The following PSD2 variants were observed in gnomAD, a reference collection of about 807,000 sequenced individuals.
PSD2 encodes pleckstrin and Sec7 domain containing 2.
Under a neutral mutation model 69.8 loss-of-function variants are expected in PSD2, and 38 were observed. The observed-to-expected ratio is 0.54, with a 90% CI of 0.42 to 0.71. The LOEUF is 0.71. PSD2 is among the 30% of genes least tolerant of loss of function. The pLI is 0.00. For synonymous variants in PSD2, 412 were observed against 423.0 expected (o/e 0.97, Z 0.32); for missense variants, 943 against 1,014.5 (o/e 0.93, Z 0.96).
intron 1 of PSD2, among the ~76,000 whole-genome samples, chr5:139,802,027 C>T (rs950500052): frequency 3.3e-5 from 5 of 152,144 alleles, no homozygotes; most frequent in African/African-American, 1.2e-4. Flanking sequence ...TACTTCGTAC[C>T]ACATGCTGTT....
intron 2 of PSD2, among the ~76,000 whole-genome samples, chr5:139,810,024 T>C (rs1288520180): frequency 6.6e-6 from 1 of 151,612 alleles, no homozygotes. Context: ...CTGAAAGTTG[T>C]GCCATCGTGA....
the PSD2 span, among the ~76,000 whole-genome samples, chr5:139,753,330 C>T: frequency 9.9e-5 from 15 of 152,130 alleles, no homozygotes; most frequent in Non-Finnish European, 1.5e-5. Context: ...GAGGAGAAGG[C>T]CACCAATAAC....
chr5:139,786,695 C>T, the PSD2 span, among the ~76,000 whole-genome samples: 5 of 152,116 alleles, frequency 3.3e-5, no homozygotes, highest in Non-Finnish European at 5.9e-5. Context: ...CCATGTTGCC[C>T]AGGCTGGGCC....
chr5:139,842,363 T>G lies in PSD2; in HGVS notation c.2205T>G (p.Thr735=). The change falls in exon 15 of 15, where the codon ACT becomes ACG. Residue 735 remains threonine, a synonymous_variant. Transcript: ENST00000274710. ...DLERIEARLA[T]LEGDDPSLRK... is the part of the protein sequence containing the mutation. Reference sequence around the variant, plus strand: ...AGCGGATTGAGGCCCGGCTGGCCACTCTGGAAGGGGATGACCCTTCTCTCC... The same window carrying G: ...AGCGGATTGAGGCCCGGCTGGCCACGCTGGAAGGGGATGACCCTTCTCTCC... The G allele has an allele frequency of 1.9e-6, 3 of 1,614,226 alleles. No homozygotes were observed. The highest frequency in any genetic ancestry group is 2.5e-6 in the Non-Finnish European group (3 of 1,180,042).
chr5:139,832,089 C>G (rs1760610056), intron 7 of PSD2, among the ~76,000 whole-genome samples: 1 of 152,186 alleles, frequency 6.6e-6, no homozygotes, highest in African/African-American at 2.4e-5. Flanking sequence ...TTTTGTAAAG[C>G]CTCCAATGCT....
chr5:139,820,943 T>TTG (rs1386140652), intron 5 of PSD2, among the ~76,000 whole-genome samples: 1 of 151,328 alleles, frequency 6.6e-6, no homozygotes, highest in Admixed American at 6.6e-5. Context: ...TTGTTTTTTT[T>TTG]TTTTCTTGAG....
rs552204743 is a variant in PSD2 at position 139,843,055 on chromosome 5, A to C, written c.*581A>C. 1 of 153,790 alleles carries C rather than the reference A, an allele frequency of 6.5e-6. No individual in the cohort carries two copies. The highest frequency in any genetic ancestry group is 1.9e-4 in the East Asian group (1 of 5,194). The allele number at this position is 153,790 out of a possible 1,614,324, so 9.5% of individuals were successfully genotyped here. ...GTAAAGCTGACTCCATCACATGTGC[A>C]TCCACTTCTTTTCATCCATTGAGAT... On this transcript the variant is annotated 3_prime_UTR_variant, in exon 15 of 15. Coordinates refer to ENST00000274710, the MANE Select transcript of PSD2 (RefSeq NM_032289.4).
rs772552842 is a variant in PSD2 at position 139,837,167 on chromosome 5, G to C, written c.1595-1G>C. 1 of 1,614,096 alleles carries C rather than the reference G, an allele frequency of 6.2e-7. No homozygotes were observed. The highest frequency in any genetic ancestry group is 8.5e-7 in the Non-Finnish European group (1 of 1,179,960). The stretch of plus-strand genomic sequence containing the variant: ...CACACTACCAGTGCCCTCCTCCCCA[G>C]CGCCCCGTGGGAGGCGTGGCTGGAA... On this transcript the variant is annotated splice_acceptor_variant, in intron 10 of 14. Transcript: ENST00000274710. LOFTEE classifies it high-confidence loss of function. This position sits in a 1 kb window ranked among gnomAD's most constrained non-coding sequence, Gnocchi z 5.0.
chr5:139,766,915 TCCTTCCTTCCTTCCCTTCTTTCTTTC>T, the PSD2 span, among the ~76,000 whole-genome samples: 15 of 25,134 alleles, frequency 6.0e-4, no homozygotes, highest in African/African-American at 1.5e-3. Context: ...CTCCCTTCCT[TCCTTCCTTCCTTCCCTTCTTTCTTTC>T]TTTCTTTCTT....
intron 7 of PSD2, among the ~76,000 whole-genome samples, chr5:139,829,708 G>A (rs953966732): frequency 6.6e-6 from 1 of 152,178 alleles, no homozygotes; most frequent in Admixed American, 6.5e-5. Flanking sequence ...GTATGGATAT[G>A]CCACATTTTA....
intron 4 of PSD2, among the ~76,000 whole-genome samples, chr5:139,817,078 T>C (rs1171706806): frequency 6.6e-6 from 1 of 152,228 alleles, no homozygotes; most frequent in East Asian, 1.9e-4. Context: ...CATCCCTGCT[T>C]TAACCTTTCT....
the PSD2 span, among the ~76,000 whole-genome samples, chr5:139,769,116 C>G: frequency 6.6e-6 from 1 of 152,020 alleles, no homozygotes; most frequent in Non-Finnish European, 1.5e-5. Context: ...TTGGGGAAGA[C>G]TTCCTGAAGG....
At chr5:139,805,549 C>T (rs1441787681) in intron 1 of PSD2, among the ~76,000 whole-genome samples, 4 of 152,160 alleles carry the variant, frequency 2.6e-5, no homozygotes, top group South Asian at 4.1e-4. Context: ...TCAGTAAACA[C>T]ATAGAAAAGG....
chr5:139,745,187 C>T, the PSD2 span: 1 of 152,294 alleles, frequency 6.6e-6, no homozygotes, highest in Non-Finnish European at 1.5e-5. Flanking sequence ...GCCTCTTGTT[C>T]ATATACACTG....
intron 6 of PSD2, 92 bp downstream of exon 6, chr5:139,822,097 C>G (rs968809641): frequency 2.7e-6 from 2 of 734,754 alleles, no homozygotes; most frequent in Admixed American, 4.6e-5. Flanking sequence ...CACTTCGGTC[C>G]TGTTGCCAGG....
intron 1 of PSD2, among the ~76,000 whole-genome samples, chr5:139,798,162 C>T (rs988151048): frequency 1.7e-4 from 26 of 152,180 alleles, no homozygotes; most frequent in Admixed American, 1.6e-3. Flanking sequence ...CTTAGGCTGT[C>T]GCCCCTTGAG....
chr5:139,743,502 C>A, the PSD2 span, among the ~76,000 whole-genome samples: 1 of 152,076 alleles, frequency 6.6e-6, no homozygotes, highest in African/African-American at 2.4e-5. Context: ...CTGAGTTTGC[C>A]TTTGTATCTG....
At chr5:139,798,832 G>T (rs1224249916) in intron 1 of PSD2, among the ~76,000 whole-genome samples, 1 of 152,054 alleles carries the variant, frequency 6.6e-6, no homozygotes, top group African/African-American at 2.4e-5. Context: ...CTAACATGTA[G>T]TCCATATTTA....
chr5:139,829,994 C>G (rs1470072799), intron 7 of PSD2, among the ~76,000 whole-genome samples: 1 of 148,730 alleles, frequency 6.7e-6, no homozygotes, highest in Non-Finnish European at 1.5e-5. Context: ...CCTCACCAAC[C>G]CTTTTCTTTT....
Sources: gnomAD v4.1 joint callset for allele counts (sites outside exome capture counted in the v4.1 genomes callset) on GRCh38, gnomAD v4.1.1 for gene constraint, Gnocchi (gnomAD v3.1) non-coding constraint, MANE v1.5 for transcripts, NCBI Gene and HGNC (gene_info 2026-07-23, HGNC 2026-07-21) for gene names.